Variants in SNPH observed in about 807,000 individuals in gnomAD.
The protein encoded by SNPH is syntaphilin.
A neutral mutation model predicts 36.8 loss-of-function variants in SNPH; 10 were observed. That is an observed-to-expected ratio of 0.27 (90% CI 0.17 to 0.46). SNPH has a LOEUF of 0.46. SNPH is among the 20% of genes least tolerant of loss of function. The pLI, the probability that SNPH is intolerant of heterozygous loss-of-function variation, is 1.00. For synonymous variants in SNPH, 281 were observed against 312.2 expected (o/e 0.90, Z 1.05); for missense variants, 622 against 744.0 (o/e 0.84, Z 1.91).
intron 2 of SNPH, among the ~76,000 whole-genome samples, chr20:1,272,247 C>T (rs913891382): frequency 6.6e-6 from 1 of 152,172 alleles, no homozygotes; most frequent in African/African-American, 2.4e-5. Flanking sequence ...ATTTTTTTCC[C>T]TCAGAGCTTC....
intron 5 of SNPH, 38 bp downstream of exon 5, chr20:1,297,290 C>G (rs377557286): frequency 5.0e-5 from 79 of 1,591,018 alleles, no homozygotes; most frequent in Non-Finnish European, 6.3e-5. Flanking sequence ...GCCCTGCTGG[C>G]TGGGAACAGG....
At chr20:1,297,391 A>G in intron 5 of SNPH, 139 bp downstream of exon 5, 2 of 669,432 alleles carry the variant, frequency 3.0e-6, no homozygotes, top group Non-Finnish European at 2.5e-6. Context: ...CCTTGAGCAG[A>G]TCATTTCTCC....
Position 1,294,233 on chromosome 20 carries a change from G to A in SNPH, c.-492-718G>A, listed in dbSNP as rs935512248. On this transcript the variant is annotated intron_variant, in intron 2 of 6. Coordinates refer to ENST00000381867, the MANE Select transcript of SNPH (RefSeq NM_001318234.2). This position sits in a 1 kb window ranked among gnomAD's most constrained non-coding sequence, Gnocchi z 4.4. ...TGAAGGATTGCTGCTTCAAGTAATG[G>A]GCCAAGGCAGACGAGAGCACTCAGC... 3.3e-5 allele frequency among the ~76,000 whole-genome samples: 5 copies of A among 152,176 alleles called. No homozygotes were observed. The highest frequency in any genetic ancestry group is 2.9e-5 in the Non-Finnish European group (2 of 68,034).
intron 2 of SNPH, among the ~76,000 whole-genome samples, chr20:1,291,823 T>C (rs541189345): frequency 2.6e-4 from 40 of 152,338 alleles, no homozygotes; most frequent in Middle Eastern, 3.4e-3. Context: ...GCTGGAATAT[T>C]AGATTAACCC....
chr20:1,300,751 C>G (rs925731757), intron 6 of SNPH, 40 bp downstream of exon 6: 8 of 1,568,608 alleles, frequency 5.1e-6, no homozygotes, highest in Non-Finnish European at 6.9e-6. Flanking sequence ...GGTACCCCAC[C>G]AGCTCCACAC....
At chr20:1,289,986 G>A (rs984946698) in intron 2 of SNPH, among the ~76,000 whole-genome samples, 1 of 152,108 alleles carries the variant, frequency 6.6e-6, no homozygotes. Context: ...CAAGGTGGGT[G>A]GATTGCTTGA....
At position 1,305,241 on chromosome 20, in the gene SNPH, T is replaced by G; in HGVS notation, c.804T>G (p.Cys268Trp). The change falls in exon 7 of 7, where the codon TGT becomes TGG. Residue 268 changes from cysteine (C) to tryptophan (W), a missense_variant. This residue lies in a region of SNPH where 379 missense variants were observed against 427.9 expected (regional missense o/e 0.89). Transcript: ENST00000381867. Reference protein sequence around the residue: ...TYTKLSDPAVCGDRQPGDPSS... With the variant: ...TYTKLSDPAVWGDRQPGDPSS... ...CCAAGCTGAGTGACCCGGCTGTCTG[T>G]GGTGACCGCCAGCCGGGTGATCCCT... 6.2e-7 allele frequency: 1 copy of G among 1,611,198 alleles called. No individual in the cohort carries two copies. The highest frequency in any genetic ancestry group is 8.5e-7 in the Non-Finnish European group (1 of 1,179,780).
At chr20:1,268,586 T>G (rs2088035307) in intron 2 of SNPH, among the ~76,000 whole-genome samples, 1 of 152,094 alleles carries the variant, frequency 6.6e-6, no homozygotes, top group South Asian at 2.1e-4. Context: ...GCTGCACCAT[T>G]TGGGCCAAAA....
At chr20:1,286,520 C>T (rs1034278529) in intron 2 of SNPH, among the ~76,000 whole-genome samples, 21 of 152,150 alleles carry the variant, frequency 1.4e-4, no homozygotes, top group Admixed American at 1.4e-3. Context: ...CCCTGCTGAG[C>T]CCCTGGGAGC....
intron 2 of SNPH, among the ~76,000 whole-genome samples, chr20:1,267,416 C>T (rs942318189): frequency 6.6e-6 from 1 of 152,158 alleles, no homozygotes; most frequent in African/African-American, 2.4e-5. Flanking sequence ...ACATGCTGCC[C>T]GTTTCCTCTG....
chr20:1,299,890 G>A (rs2088483817), intron 5 of SNPH, among the ~76,000 whole-genome samples: 1 of 152,212 alleles, frequency 6.6e-6, no homozygotes, highest in Non-Finnish European at 1.5e-5. Context: ...CGCAGTGGGG[G>A]TGAGGAGTGA....
chr20:1,305,462 G>A lies in SNPH; in HGVS notation c.1025G>A (p.Cys342Tyr), dbSNP rs2088561489. ...PASNTYEKLLCGMEAGVQASC... is the reference protein window; with the variant it reads ...PASNTYEKLLYGMEAGVQASC... ...AGCAACACCTATGAGAAGCTGCTGTGTGGCATGGAGGCTGGTGTGCAGGCC... is the reference window on the plus strand; with the variant it reads ...AGCAACACCTATGAGAAGCTGCTGTATGGCATGGAGGCTGGTGTGCAGGCC... The change falls in exon 7 of 7, where the codon TGT (cysteine) becomes TAT (tyrosine). Residue 342 changes from cysteine to tyrosine, a missense_variant. Transcript: ENST00000381867. The A allele has an allele frequency of 6.2e-7, 1 of 1,613,292 alleles. No homozygotes were observed. The highest frequency in any genetic ancestry group is 1.6e-4 in the Middle Eastern group (1 of 6,062).
intron 2 of SNPH, among the ~76,000 whole-genome samples, chr20:1,286,073 G>C (rs972084496): frequency 7.9e-6 from 1 of 126,110 alleles, no homozygotes; most frequent in Non-Finnish European, 1.6e-5. Flanking sequence ...CTGAGCGACA[G>C]AGCGAGACTC....
chr20:1,267,943 A>G (rs2088027993), intron 2 of SNPH, among the ~76,000 whole-genome samples: 1 of 152,190 alleles, frequency 6.6e-6, no homozygotes, highest in African/African-American at 2.4e-5. Flanking sequence ...ATGTATGTGG[A>G]AGCACCTAAA....
intron 5 of SNPH, among the ~76,000 whole-genome samples, chr20:1,300,188 C>G (rs1320813655): frequency 6.6e-6 from 1 of 152,226 alleles, no homozygotes; most frequent in Admixed American, 6.5e-5. Flanking sequence ...GCTAACCTCT[C>G]TGAGGCCAGC....
At chr20:1,296,666 A>G (rs533723085) in intron 4 of SNPH, among the ~76,000 whole-genome samples, 13 of 152,300 alleles carry the variant, frequency 8.5e-5, no homozygotes, top group African/African-American at 2.6e-4. Flanking sequence ...AGCCTCATCA[A>G]TATTGTTTGA....
rs933193265 is a variant in SNPH, at chr20:1,306,117, C to T, written c.*63C>T. 1.5e-5 allele frequency: 19 copies of T among 1,250,784 alleles called. No individual in the cohort carries two copies. The highest frequency in any genetic ancestry group is 2.7e-4 in the Middle Eastern group (1 of 3,678). 77.5% of individuals were successfully genotyped at this position (1,250,784 alleles called of 1,614,324 possible). Reference sequence around the variant, plus strand: ...ACTGATTGTAGGGATGCCGTTCCCCCCTCCCTTCTCCCATGGGCATCATCT... The same window carrying T: ...ACTGATTGTAGGGATGCCGTTCCCCTCTCCCTTCTCCCATGGGCATCATCT... On this transcript the variant is annotated 3_prime_UTR_variant, in exon 7 of 7. Coordinates refer to ENST00000381867, the MANE Select transcript of SNPH (RefSeq NM_001318234.2).
At chr20:1,278,096 ATGTG>A (rs1352299411) in intron 2 of SNPH, among the ~76,000 whole-genome samples, 1 of 72,804 alleles carries the variant, frequency 1.4e-5, no homozygotes, top group African/African-American at 7.0e-5. Context: ...GTGTGTGCCT[ATGTG>A]TGTGTCTGTT....
At chr20:1,278,788 A>G (rs922372324) in intron 2 of SNPH, among the ~76,000 whole-genome samples, 2 of 152,066 alleles carry the variant, frequency 1.3e-5, no homozygotes, top group African/African-American at 4.8e-5. Context: ...GGTTCAAGCA[A>G]TTCTCCTGCC....
Sources: gnomAD v4.1 joint callset for allele counts (sites outside exome capture counted in the v4.1 genomes callset) on GRCh38, gnomAD v4.1.1 for gene constraint, gnomAD v4.1.1 regional missense constraint, Gnocchi (gnomAD v3.1) non-coding constraint, MANE v1.5 for transcripts, NCBI Gene and HGNC (gene_info 2026-07-23, HGNC 2026-07-21) for gene names.